ARHGAP25: variants seen among roughly 807,000 people sequenced by gnomAD.
The protein encoded by ARHGAP25 is rho GTPase-activating protein 25.
Under a neutral mutation model 71.0 loss-of-function variants are expected in ARHGAP25, and 34 were observed. The observed-to-expected ratio is 0.48, with a 90% CI of 0.36 to 0.64. The LOEUF is 0.64. Ranked by LOEUF, ARHGAP25 falls within the 30% of genes least tolerant of loss-of-function variation. The pLI, the probability that ARHGAP25 is intolerant of heterozygous loss-of-function variation, is 0.00. For missense variants in ARHGAP25, 706 were observed against 805.1 expected, an observed-to-expected ratio of 0.88 and a Z score of 1.49; for synonymous variants, 282 against 296.5, an observed-to-expected ratio of 0.95 and a Z score of 0.50.
intron 1 of ARHGAP25, among the ~76,000 whole-genome samples, chr2:68,764,434 G>A (rs72895974): frequency 0.033 from 5,047 of 152,202 alleles, 289 homozygotes; most frequent in African/African-American, 0.11. Context: ...TTTTTAAGAC[G>A]CATCCAGTTA....
intron 2 of ARHGAP25, among the ~76,000 whole-genome samples, chr2:68,725,705 C>A (rs1033382291): frequency 2.6e-5 from 4 of 152,188 alleles, no homozygotes; most frequent in African/African-American, 9.6e-5. Context: ...AAAGTTCCAG[C>A]AAAGTCCTAT....
At position 68,782,223 on chromosome 2, in the gene ARHGAP25, CA is replaced by C; in HGVS notation, c.262-9del. ...TGCTTATCCTTAAGGCCTGACTTTT[CA>C]TCTTTCAGGGCTGCATGTATCTACC... is the stretch of plus-strand genomic sequence containing the variant. On this transcript the variant is annotated splice_polypyrimidine_tract_variant and intron_variant, in intron 2 of 10. Transcript: ENST00000409202. 1 of 1,613,410 alleles carries C rather than the reference CA, an allele frequency of 6.2e-7. No individual in the cohort carries two copies. Among genetic ancestry groups the C allele is most frequent in the Non-Finnish European group, 8.5e-7 (1 of 1,179,534 alleles).
chr2:68,801,309 G>A (rs925143679), intron 4 of ARHGAP25, among the ~76,000 whole-genome samples: 1 of 152,144 alleles, frequency 6.6e-6, no homozygotes, highest in African/African-American at 2.4e-5. Context: ...AGATGAGGGA[G>A]GGAGGCCCTG....
intron 2 of ARHGAP25, among the ~76,000 whole-genome samples, chr2:68,776,668 C>T (rs1044172583): frequency 7.9e-5 from 12 of 152,108 alleles, no homozygotes; most frequent in African/African-American, 2.7e-4. Flanking sequence ...TGAACAATTA[C>T]GCCAGGACCC....
At chr2:68,711,288 TC>T (rs1000991555) in intron 2 of ARHGAP25, among the ~76,000 whole-genome samples, 7 of 152,304 alleles carry the variant, frequency 4.6e-5, no homozygotes, top group Non-Finnish European at 8.8e-5. Flanking sequence ...TCAAAGTATT[TC>T]CAAAGGGGAA....
At chr2:68,747,113 A>G (rs369890044) in intron 1 of ARHGAP25, among the ~76,000 whole-genome samples, 9 of 152,008 alleles carry the variant, frequency 5.9e-5, no homozygotes, top group South Asian at 4.2e-4. Context: ...AGTCAGCCCA[A>G]TTAAGCATCT....
intron 2 of ARHGAP25, among the ~76,000 whole-genome samples, chr2:68,725,016 C>T (rs1674850314): frequency 6.6e-6 from 1 of 152,180 alleles, no homozygotes; most frequent in South Asian, 2.1e-4. Flanking sequence ...GAATGGGTGG[C>T]AGAGCCTTTG....
intron 2 of ARHGAP25, among the ~76,000 whole-genome samples, chr2:68,712,101 C>T (rs1318088997): frequency 6.6e-6 from 1 of 152,214 alleles, no homozygotes; most frequent in Non-Finnish European, 1.5e-5. Context: ...CTGTCTTCCA[C>T]AATGGTTGAA....
At chr2:68,714,944 C>G (rs1000095067) in intron 2 of ARHGAP25, among the ~76,000 whole-genome samples, 1 of 152,192 alleles carries the variant, frequency 6.6e-6, no homozygotes, top group African/African-American at 2.4e-5. Context: ...CACTTCCCTT[C>G]CTCCCCTTCT....
rs367725731 is a variant in ARHGAP25, at chr2:68,776,235, A to G, written c.261+815A>G. On this transcript the variant is annotated intron_variant, in intron 2 of 10. Coordinates refer to ENST00000409202, the MANE Select transcript of ARHGAP25 (RefSeq NM_001007231.3). ...GAATCAGAGGGGATGAGGTCTGAGA[A>G]GCAAGAGGGTAGTCAGGGGTCAGGG... Among the ~76,000 whole-genome samples, 119 of 152,342 alleles carry G rather than the reference A, an allele frequency of 7.8e-4. 1 individual carries two copies. Among genetic ancestry groups the G allele is most frequent in the African/African-American group, 2.9e-3 (119 of 41,588 alleles).
chr2:68,816,095 C>T (rs1468551163), intron 6 of ARHGAP25, 194 bp from the exon 7 acceptor site: 4 of 658,746 alleles, frequency 6.1e-6, no homozygotes, highest in Non-Finnish European at 1.1e-5. Flanking sequence ...AACTATGACC[C>T]TTTTAAAAAA....
At chr2:68,768,603 T>A (rs1677277670) in intron 1 of ARHGAP25, among the ~76,000 whole-genome samples, 1 of 152,246 alleles carries the variant, frequency 6.6e-6, no homozygotes, top group Admixed American at 6.5e-5. Flanking sequence ...CCCTCTGTGC[T>A]GGTTTCCTCT....
chr2:68,805,411 C>T (rs1680291814), intron 4 of ARHGAP25, among the ~76,000 whole-genome samples: 1 of 151,980 alleles, frequency 6.6e-6, no homozygotes, highest in Non-Finnish European at 1.5e-5. Flanking sequence ...ACAGAGGCCA[C>T]CTATTCAGCT....
chr2:68,738,388 C>A (rs777924267), intron 1 of ARHGAP25, among the ~76,000 whole-genome samples: 18 of 152,142 alleles, frequency 1.2e-4, no homozygotes. Context: ...TCCCCAGTTT[C>A]AGGAGAATCC....
At chr2:68,814,501 T>C (rs1681061281) in intron 6 of ARHGAP25, among the ~76,000 whole-genome samples, 1 of 152,216 alleles carries the variant, frequency 6.6e-6, no homozygotes. Context: ...CATAGTAATA[T>C]CAGCCATGCC....
intron 3 of ARHGAP25, among the ~76,000 whole-genome samples, chr2:68,787,561 G>A (rs1313887177): frequency 6.6e-6 from 1 of 152,202 alleles, no homozygotes; most frequent in Non-Finnish European, 1.5e-5. Flanking sequence ...CCTTTTGGTA[G>A]GAAATGACTT....
upstream of ARHGAP25, among the ~76,000 whole-genome samples, chr2:68,731,819 C>A (rs569149439): frequency 2.4e-4 from 37 of 152,060 alleles, no homozygotes; most frequent in South Asian, 7.1e-3. Context: ...TATACACCCC[C>A]CCTAGCTCCC....
chr2:68,787,846 G>A lies in ARHGAP25; in HGVS notation c.356G>A (p.Trp119Ter), dbSNP rs1252056473. The A allele has an allele frequency of 1.2e-6, 2 of 1,613,906 alleles. No individual in the cohort carries two copies. The highest frequency in any genetic ancestry group is 2.2e-5 in the East Asian group (1 of 44,896). The part of the protein sequence containing the change: ...KFVFEIIPAS[W>*]DQNRMGQDSY... ...GTGCTAATTCTTCCTCCAGCCTCATGGGACCAGAATCGCATGGGACAGGAC... is the reference window on the plus strand; with the variant it reads ...GTGCTAATTCTTCCTCCAGCCTCATAGGACCAGAATCGCATGGGACAGGAC... The change falls in exon 4 of 11, where the codon TGG (tryptophan) becomes TAG (stop). Residue 119 changes from tryptophan to a stop codon, truncating the protein, a stop_gained. Coordinates refer to ENST00000409202, the MANE Select transcript of ARHGAP25 (RefSeq NM_001007231.3). LOFTEE classifies it high-confidence loss of function.
intron 3 of ARHGAP25, among the ~76,000 whole-genome samples, chr2:68,785,876 G>A (rs1249585837): frequency 2.0e-5 from 3 of 152,180 alleles, no homozygotes; most frequent in Admixed American, 6.5e-5. Context: ...GATAAATTAT[G>A]TGCCTGAGGT....
Sources: gnomAD v4.1 joint callset for allele counts (sites outside exome capture counted in the v4.1 genomes callset) on GRCh38, gnomAD v4.1.1 for gene constraint, MANE v1.5 for transcripts, NCBI Gene and HGNC (gene_info 2026-07-23, HGNC 2026-07-21) for gene names.